The following APPBP2 variants were observed in gnomAD, a reference collection of about 807,000 sequenced individuals.
APPBP2 encodes amyloid protein-binding protein 2.
APPBP2 carries 15 observed loss-of-function variants against 76.0 expected under a neutral mutation model. That is an observed-to-expected ratio of 0.20 (90% CI 0.13 to 0.30). The LOEUF is 0.30. APPBP2 is among the 10% of genes least tolerant of loss of function. APPBP2 has a pLI of 1.00. For missense variants in APPBP2, 401 were observed against 687.2 expected (o/e 0.58, Z 4.66); for synonymous variants, 222 against 242.2 (o/e 0.92, Z 0.77).
At chr17:60,482,385 T>G (rs2090636756) in intron 3 of APPBP2, among the ~76,000 whole-genome samples, 1 of 152,204 alleles carries the variant, frequency 6.6e-6, no homozygotes, top group South Asian at 2.1e-4. Context: ...ATGTCCAGGG[T>G]GATAGTCCTA....
intron 1 of APPBP2, among the ~76,000 whole-genome samples, chr17:60,521,807 C>A (rs771482733): frequency 2.0e-5 from 3 of 152,020 alleles, no homozygotes; most frequent in Non-Finnish European, 2.9e-5. Flanking sequence ...TATCAGCTAT[C>A]GTTATTGTAT....
chr17:60,447,262 G>T lies in APPBP2; in HGVS notation c.*319C>A. The T allele has an allele frequency of 4.5e-6, 1 of 224,662 alleles. No individual in the cohort carries two copies. The allele number at this position is 224,662 out of a possible 1,614,324, so 13.9% of individuals were successfully genotyped here. A position where few individuals can be genotyped will look rare whatever the true frequency, so the allele number is the denominator to read the frequency against. On this transcript the variant is annotated 3_prime_UTR_variant, in exon 13 of 13. Transcript: ENST00000083182. ...TTAAACTCTTAAATAGTTTTATTTA[G>T]GGGTATTTTTTTTCTTTCAGGCTTT... is the stretch of plus-strand genomic sequence containing the variant.
At chr17:60,492,086 C>T (rs751788681) in intron 3 of APPBP2, among the ~76,000 whole-genome samples, 22 of 152,266 alleles carry the variant, frequency 1.4e-4, no homozygotes, top group Middle Eastern at 3.4e-3. Flanking sequence ...AAGGGACCAA[C>T]GTACAGCTTA....
intron 3 of APPBP2, among the ~76,000 whole-genome samples, chr17:60,483,672 C>A (rs948580124): frequency 1.3e-4 from 20 of 152,284 alleles, no homozygotes; most frequent in South Asian, 4.1e-4. Flanking sequence ...GGATTACAGG[C>A]GTGAGCCACC....
chr17:60,483,910 C>T (rs6503972), intron 3 of APPBP2, among the ~76,000 whole-genome samples: 7 of 151,566 alleles, frequency 4.6e-5, no homozygotes, highest in Admixed American at 6.6e-5. Context: ...TTTTGTATAA[C>T]GTGTAAGGAA....
rs1425577571 is a variant in APPBP2, at chr17:60,525,967, C to T, written c.-36G>A. ...TCCTCCTCCGCCTCCTCCGCCTCCT[C>T]CTCCCGAAGGCCCCCACCTCCCTCC... On this transcript the variant is annotated 5_prime_UTR_variant, in exon 1 of 13. Coordinates refer to ENST00000083182, the MANE Select transcript of APPBP2 (RefSeq NM_006380.5). The T allele has an allele frequency of 2.6e-6, 4 of 1,549,402 alleles. No individual in the cohort carries two copies. The African/African-American group carries it at 5.4e-5, about 21-fold the overall frequency.
chr17:60,512,113 C>T (rs9901509), intron 1 of APPBP2, among the ~76,000 whole-genome samples: 27,117 of 148,348 alleles, frequency 0.18, 8,380 homozygotes, highest in African/African-American at 0.66. Flanking sequence ...TTATTATTTT[C>T]TTTTTTTGAG....
chr17:60,475,222 T>C (rs577197193), intron 4 of APPBP2, among the ~76,000 whole-genome samples: 20 of 151,688 alleles, frequency 1.3e-4, no homozygotes, highest in Admixed American at 4.6e-4. Flanking sequence ...AGAGACTCCA[T>C]CTCAAAAAAA....
At chr17:60,518,928 TAA>T (rs2090986476) in intron 1 of APPBP2, among the ~76,000 whole-genome samples, 1 of 152,138 alleles carries the variant, frequency 6.6e-6, no homozygotes, top group South Asian at 2.1e-4. Flanking sequence ...AGACAAGAGG[TAA>T]AGATAGATTT....
chr17:60,452,806 G>A (rs998086314), intron 11 of APPBP2, among the ~76,000 whole-genome samples: 10 of 152,074 alleles, frequency 6.6e-5, no homozygotes, highest in African/African-American at 2.4e-4. Context: ...GGTGGTGTGC[G>A]CCTGTATTCC....
chr17:60,513,625 G>T, intron 1 of APPBP2: 1 of 258,248 alleles, frequency 3.9e-6, no homozygotes, highest in Non-Finnish European at 7.4e-6. Context: ...ACTTTGAGAG[G>T]CCAAAGCGGG....
rs918571670 is a variant in APPBP2, at chr17:60,460,974, G to C, written c.937-187C>G. ...AGAAGTCCTGAATTTCTGAAGATAC[G>C]AGTTTGACTTAAAAGGCCACGGCTT... On this transcript the variant is annotated intron_variant, in intron 8 of 12. Transcript: ENST00000083182. 7.9e-6 allele frequency: 3 copies of C among 380,760 alleles called. No homozygotes were observed. The East Asian group carries it at 1.3e-4, about 17-fold the overall frequency. The allele number at this position is 380,760 out of a possible 1,614,324, so 23.6% of individuals were successfully genotyped here.
intron 1 of APPBP2, among the ~76,000 whole-genome samples, chr17:60,511,227 T>C (rs576914098): frequency 2.4e-4 from 37 of 152,316 alleles, no homozygotes; most frequent in Non-Finnish European, 3.4e-4. Context: ...GAAGTTTCAC[T>C]ACCAATATGT....
At chr17:60,514,234 T>C (rs1006303180) in intron 1 of APPBP2, among the ~76,000 whole-genome samples, 7 of 152,036 alleles carry the variant, frequency 4.6e-5, no homozygotes, top group Non-Finnish European at 7.4e-5. Flanking sequence ...GTGGAGGTTG[T>C]AGTAAGTGGT....
At chr17:60,476,643 G>A (rs1229533364) in intron 4 of APPBP2, among the ~76,000 whole-genome samples, 1 of 152,216 alleles carries the variant, frequency 6.6e-6, no homozygotes, top group Non-Finnish European at 1.5e-5. Flanking sequence ...TATACAGGCA[G>A]TGAGCTGGCA....
At chr17:60,510,639 C>T (rs1277772058) in intron 1 of APPBP2, among the ~76,000 whole-genome samples, 2 of 151,912 alleles carry the variant, frequency 1.3e-5, no homozygotes, top group Non-Finnish European at 2.9e-5. Flanking sequence ...TTGCCTGAGC[C>T]TGGGAGGTTG....
At chr17:60,491,285 C>G (rs1162158964) in intron 3 of APPBP2, among the ~76,000 whole-genome samples, 1 of 152,090 alleles carries the variant, frequency 6.6e-6, no homozygotes, top group Non-Finnish European at 1.5e-5. Context: ...GACATTTTGT[C>G]CCTGCCTCAG....
chr17:60,490,203 A>G (rs984867012), intron 3 of APPBP2, among the ~76,000 whole-genome samples: 1 of 152,192 alleles, frequency 6.6e-6, no homozygotes, highest in Non-Finnish European at 1.5e-5. Context: ...AAAACTGGTG[A>G]AAACTAAGTA....
At chr17:60,493,644 C>CTT (rs551786086) in intron 3 of APPBP2, among the ~76,000 whole-genome samples, 5 of 128,596 alleles carry the variant, frequency 3.9e-5, no homozygotes, top group African/African-American at 6.0e-5. Flanking sequence ...TTTTTTTTTT[C>CTT]TTTTTTTTTT....
Sources: allele counts gnomAD v4.1 joint callset (sites outside exome capture counted in the v4.1 genomes callset), GRCh38; gene constraint gnomAD v4.1.1; transcripts MANE v1.5; gene names NCBI Gene and HGNC (gene_info 2026-07-23, HGNC 2026-07-21).